The following XPOT variants were observed in gnomAD, a reference collection of about 807,000 sequenced individuals.
XPOT encodes exportin for tRNA.
In XPOT, 34 loss-of-function variants were observed where a neutral mutation model predicts 128.2. That is an observed-to-expected ratio of 0.27 (90% CI 0.20 to 0.35). The LOEUF is 0.35. XPOT is among the 10% of genes least tolerant of loss of function. The probability of loss-of-function intolerance (pLI) is 1.00; values close to 1 mark genes in which losing one functional copy is unlikely to be tolerated. For missense variants in XPOT, 838 were observed against 1,125.3 expected, an observed-to-expected ratio of 0.74 and a Z score of 3.65; for synonymous variants, 348 against 394.3, an observed-to-expected ratio of 0.88 and a Z score of 1.39.
chr12:64,442,211 CCCGGGTTCAAGCAATTCT>C (rs1393253515), intron 23 of XPOT, among the ~76,000 whole-genome samples: 15 of 152,124 alleles, frequency 9.9e-5, no homozygotes, highest in Admixed American at 2.6e-4. Context: ...ACCTCCACCT[CCCGGGTTCAAGCAATTCT>C]CCGGGTTCAA....
In XPOT at chr12:64,435,539, C is replaced by T. The variant is rs1401261729; in HGVS notation, c.2686-88C>T. 1.1e-5 allele frequency: 12 copies of T among 1,052,048 alleles called. No homozygotes were observed. The South Asian group carries it at 2.8e-4, about 24-fold the overall frequency. The allele number at this position is 1,052,048 out of a possible 1,614,324, so 65.2% of individuals were successfully genotyped here. A position where few individuals can be genotyped will look rare whatever the true frequency, so the allele number is the denominator to read the frequency against. ...CTCTGGAAATATTTATTTGAATTTC[C>T]CTGGCAGTGGCCAGGGTAGTAAAGA... On this transcript the variant is annotated intron_variant, in intron 21 of 24. Coordinates refer to ENST00000332707, the MANE Select transcript of XPOT (RefSeq NM_007235.6).
chr12:64,431,891 C>T lies in XPOT; in HGVS notation c.2262+68C>T, dbSNP rs74100223. 2.8e-4 allele frequency: 418 copies of T among 1,514,212 alleles called. 2 individuals are homozygous for T. In the African/African-American group the frequency reaches 5.1e-3, roughly 18 times the overall value. 93.8% of individuals were successfully genotyped at this position (1,514,212 alleles called of 1,614,324 possible). The stretch of plus-strand genomic sequence containing the variant: ...GATGTATTTATCTTCAGACATGTTT[C>T]GGATTTTGCCCTTGGGTTTCTTTTT... On this transcript the variant is annotated intron_variant, in intron 18 of 24. Coordinates refer to ENST00000332707, the MANE Select transcript of XPOT (RefSeq NM_007235.6).
intron 19 of XPOT, among the ~76,000 whole-genome samples, 191 bp downstream of exon 19, chr12:64,433,794 G>A (rs2040259467): frequency 6.6e-6 from 1 of 152,080 alleles, no homozygotes; most frequent in Non-Finnish European, 1.5e-5. Context: ...TTTGTATTCT[G>A]TTCCTTTTTC....
At chr12:64,417,499 C>T (rs929904645) in intron 4 of XPOT, among the ~76,000 whole-genome samples, 1 of 148,682 alleles carries the variant, frequency 6.7e-6, no homozygotes, top group Non-Finnish European at 1.5e-5. Context: ...CACTGCACTT[C>T]AGCCTGGGCA....
intron 2 of XPOT, among the ~76,000 whole-genome samples, chr12:64,411,193 C>G (rs2136011276): frequency 6.6e-6 from 1 of 152,246 alleles, no homozygotes; most frequent in Admixed American, 6.5e-5. Flanking sequence ...ATTTAAAATC[C>G]ATGTCTTCTG....
intron 4 of XPOT, 84 bp from the exon 5 acceptor site, chr12:64,417,962 C>A: frequency 9.1e-7 from 1 of 1,095,148 alleles, no homozygotes; most frequent in Non-Finnish European, 1.3e-6. Context: ...CAAATTTTCC[C>A]TTTCAAATAT....
intron 21 of XPOT, 44 bp from the exon 22 acceptor site, chr12:64,435,583 A>G: frequency 6.5e-7 from 1 of 1,538,888 alleles, no homozygotes; most frequent in Non-Finnish European, 8.8e-7. Context: ...GGATCACTAA[A>G]CAAGAATTGA....
intron 16 of XPOT, 101 bp from the exon 17 acceptor site, chr12:64,429,948 T>C (rs2040224975): frequency 1.9e-6 from 2 of 1,076,328 alleles, no homozygotes; most frequent in South Asian, 3.5e-5. Context: ...ACATATGAGT[T>C]GGTGTGATAG....
chr12:64,423,179 T>C lies in XPOT; in HGVS notation c.1120-3T>C. On this transcript the variant is annotated splice_region_variant and splice_polypyrimidine_tract_variant and intron_variant, in intron 10 of 24. Transcript: ENST00000332707. Reference sequence around the variant, plus strand: ...ACTCTTTTATTCTCAATTTTATTCTTAGGCAATCATGTTGGCCGTTATGAA... The same window carrying C: ...ACTCTTTTATTCTCAATTTTATTCTCAGGCAATCATGTTGGCCGTTATGAA... 1 of 1,600,750 alleles carries C rather than the reference T, an allele frequency of 6.2e-7. No homozygotes were observed. The highest frequency in any genetic ancestry group is 2.2e-5 in the East Asian group (1 of 44,654).
At position 64,447,660 on chromosome 12, in the gene XPOT, A is replaced by G. The variant is rs574131626; in HGVS notation, c.2863-445A>G. Reference sequence around the variant, plus strand: ...CACCCGGCTAATTTTTTCTATTTTGAGTAAAGACTGGGTTTCTCCATGTTG... The same window carrying G: ...CACCCGGCTAATTTTTTCTATTTTGGGTAAAGACTGGGTTTCTCCATGTTG... On this transcript the variant is annotated intron_variant, in intron 24 of 24. Coordinates refer to ENST00000332707, the MANE Select transcript of XPOT (RefSeq NM_007235.6). Among the ~76,000 whole-genome samples the G allele has an allele frequency of 1.6e-4, 25 of 152,168 alleles. No homozygotes were observed. In the South Asian group the frequency reaches 4.6e-3, roughly 28 times the overall value.
intron 16 of XPOT, among the ~76,000 whole-genome samples, chr12:64,429,568 G>A (rs767862648): frequency 7.9e-5 from 12 of 151,442 alleles, no homozygotes; most frequent in Admixed American, 3.3e-4. Flanking sequence ...TCAGCCTCCC[G>A]CGTAGCTGGG....
intron 23 of XPOT, among the ~76,000 whole-genome samples, chr12:64,439,705 G>C (rs552010824): frequency 6.6e-6 from 1 of 152,298 alleles, no homozygotes; most frequent in South Asian, 2.1e-4. Flanking sequence ...GTACCAGGTA[G>C]TTCATTGTGT....
Position 64,404,459 on chromosome 12 carries a change from C to G in XPOT, c.-420C>G, listed in dbSNP as rs1015352422. On this transcript the variant is annotated 5_prime_UTR_variant, in exon 1 of 25. Coordinates refer to ENST00000332707, the MANE Select transcript of XPOT (RefSeq NM_007235.6). ...ACCGACGCGGGGAGCGCGCTTCGCGCTGACTCAGCGGCGGCGGCGGCTGCG... is the reference window on the plus strand; with the variant it reads ...ACCGACGCGGGGAGCGCGCTTCGCGGTGACTCAGCGGCGGCGGCGGCTGCG... The G allele has an allele frequency of 6.4e-6, 1 of 157,398 alleles. No homozygotes were observed. The highest frequency in any genetic ancestry group is 1.4e-5 in the Non-Finnish European group (1 of 72,538). The allele number at this position is 157,398 out of a possible 1,614,324, so 9.8% of individuals were successfully genotyped here. A position where few individuals can be genotyped will look rare whatever the true frequency, so the allele number is the denominator to read the frequency against.
chr12:64,411,591 G>T (rs916733081), intron 2 of XPOT, among the ~76,000 whole-genome samples: 2 of 152,134 alleles, frequency 1.3e-5, no homozygotes, highest in African/African-American at 4.8e-5. Context: ...TAAGCATCCA[G>T]GTCCAGGCAT....
intron 3 of XPOT, among the ~76,000 whole-genome samples, chr12:64,415,941 C>T (rs899776715): frequency 1.3e-5 from 2 of 152,156 alleles, no homozygotes; most frequent in Non-Finnish European, 2.9e-5. Flanking sequence ...AAGATTTTTT[C>T]CTTCTGCAGT....
chr12:64,435,945 A>ATTTTAT (rs1407277448), intron 22 of XPOT, among the ~76,000 whole-genome samples: 52 of 151,892 alleles, frequency 3.4e-4, no homozygotes, highest in African/African-American at 1.2e-3. Context: ...CAGATTTTTT[A>ATTTTAT]TTTTATTTTT....
intron 22 of XPOT, among the ~76,000 whole-genome samples, chr12:64,436,701 C>T (rs1260305392): frequency 6.6e-6 from 1 of 152,112 alleles, no homozygotes; most frequent in African/African-American, 2.4e-5. Context: ...CCACTTCAGC[C>T]TCCTGAATAG....
At chr12:64,442,089 A>G (rs1204233068) in intron 23 of XPOT, among the ~76,000 whole-genome samples, 3 of 146,290 alleles carry the variant, frequency 2.1e-5, no homozygotes, top group East Asian at 4.0e-4. Flanking sequence ...TGGGGGGGGG[A>G]CCCTTTTATT....
At position 64,421,599 on chromosome 12, in the gene XPOT, A is replaced by T. The variant is rs891860544; in HGVS notation, c.1080+128A>T. On this transcript the variant is annotated intron_variant, in intron 9 of 24. Transcript: ENST00000332707. Reference sequence around the variant, plus strand: ...TACTACCTAAAGATATTTACTGTTAAATACTAATGTATTTCCATCTTAAAA... The same window carrying T: ...TACTACCTAAAGATATTTACTGTTATATACTAATGTATTTCCATCTTAAAA... The T allele has an allele frequency of 1.3e-5, 8 of 639,416 alleles. No individual in the cohort carries two copies. The African/African-American group carries it at 1.3e-4, about 10-fold the overall frequency. The allele number at this position is 639,416 out of a possible 1,614,324, so 39.6% of individuals were successfully genotyped here. A position where few individuals can be genotyped will look rare whatever the true frequency, so the allele number is the denominator to read the frequency against.
Sources: allele counts gnomAD v4.1 joint callset (sites outside exome capture counted in the v4.1 genomes callset), GRCh38; gene constraint gnomAD v4.1.1; transcripts MANE v1.5; gene names NCBI Gene and HGNC (gene_info 2026-07-23, HGNC 2026-07-21).